The following CANX variants were observed in gnomAD, a reference collection of about 807,000 sequenced individuals.
CANX encodes the protein calnexin.
Under a neutral mutation model 75.7 loss-of-function variants are expected in CANX, and 14 were observed. The observed-to-expected ratio is 0.19, with a 90% CI of 0.12 to 0.29. CANX has a LOEUF of 0.29. CANX is among the 10% of genes least tolerant of loss of function. CANX has a pLI of 1.00. For synonymous variants in CANX, 227 were observed against 236.9 expected (o/e 0.96, Z 0.38); for missense variants, 567 against 713.2 (o/e 0.79, Z 2.34).
intron 1 of CANX, among the ~76,000 whole-genome samples, chr5:179,688,277 T>TC (rs1246226983): frequency 6.6e-6 from 1 of 151,254 alleles, no homozygotes; most frequent in African/African-American, 2.4e-5. Flanking sequence ...ATGGTCTTGA[T>TC]CTCTTGACCT....
At chr5:179,704,077 A>T (rs1299395566) in intron 1 of CANX, 1 of 152,088 alleles carries the variant, frequency 6.6e-6, no homozygotes, top group African/African-American at 2.4e-5. Flanking sequence ...GTACTTTCTC[A>T]AGCCCAAAAA....
chr5:179,719,593 C>G, intron 8 of CANX, 75 bp from the exon 9 acceptor site: 2 of 761,304 alleles, frequency 2.6e-6, no homozygotes, highest in Non-Finnish European at 4.4e-6. Context: ...TTTTAGAATA[C>G]TCTGTTCTGA....
chr5:179,697,444 C>T (rs947170665), upstream of CANX, among the ~76,000 whole-genome samples: 1 of 152,212 alleles, frequency 6.6e-6, no homozygotes, highest in Non-Finnish European at 1.5e-5. Flanking sequence ...CATAGTACCA[C>T]AGTCTTTTGG....
intron 1 of CANX, chr5:179,699,474 A>G (rs1193582971): frequency 1.3e-5 from 2 of 152,258 alleles, no homozygotes; most frequent in Non-Finnish European, 2.9e-5. Flanking sequence ...ATAGGGTGGA[A>G]TCGGGCCTAC....
intron 1 of CANX, among the ~76,000 whole-genome samples, chr5:179,703,379 G>T (rs1049034936): frequency 6.6e-6 from 1 of 151,874 alleles, no homozygotes; most frequent in Non-Finnish European, 1.5e-5. Context: ...CACCACACTC[G>T]GCTAATTTTT....
intron 7 of CANX, among the ~76,000 whole-genome samples, chr5:179,711,563 C>T (rs544199852): frequency 2.0e-5 from 3 of 152,024 alleles, no homozygotes; most frequent in South Asian, 2.1e-4. Flanking sequence ...CCGAGGTGGG[C>T]GGATCACCTG....
intron 10 of CANX, among the ~76,000 whole-genome samples, chr5:179,721,133 A>G (rs1197839679): frequency 2.0e-5 from 3 of 152,042 alleles, no homozygotes; most frequent in Admixed American, 6.6e-5. Context: ...GCTGGAGTGC[A>G]ATGGCTCAGT....
chr5:179,724,306 T>C (rs1778506098), intron 12 of CANX, among the ~76,000 whole-genome samples: 1 of 152,182 alleles, frequency 6.6e-6, no homozygotes, highest in South Asian at 2.1e-4. Context: ...TAAATGAGGA[T>C]TATGCTTCAT....
At chr5:179,686,354 T>TC (rs1031987773) in intron 1 of CANX, among the ~76,000 whole-genome samples, 11 of 152,062 alleles carry the variant, frequency 7.2e-5, no homozygotes, top group Admixed American at 3.3e-4. Context: ...TGCCTCGGCC[T>TC]CCCAAAGTGC....
At chr5:179,698,363 G>A (rs1374144926), upstream of CANX, 5 of 1,178,568 alleles carry the variant, frequency 4.2e-6, no homozygotes, top group Non-Finnish European at 3.2e-6. Context: ...GCAGGCTCCT[G>A]GGCCGAGCCA....
At chr5:179,698,439 C>T, upstream of CANX, 2 of 1,284,918 alleles carry the variant, frequency 1.6e-6, no homozygotes, top group Non-Finnish European at 2.0e-6. Flanking sequence ...TCCGGCCAGG[C>T]GCTCGCGCTG....
At chr5:179,680,246 C>T (rs1776027913) in intron 1 of CANX, among the ~76,000 whole-genome samples, 1 of 152,162 alleles carries the variant, frequency 6.6e-6, no homozygotes, top group African/African-American at 2.4e-5. Flanking sequence ...GAAGCTTAGA[C>T]TTCCTTTTGT....
At chr5:179,678,664 G>C (rs772438184) in exon 1 of CANX, 7 of 1,535,450 alleles carry the variant, frequency 4.6e-6, no homozygotes, top group Non-Finnish European at 6.1e-6. Context: ...TCCTCTGCCC[G>C]GCGCGCGCCG....
In CANX at chr5:179,728,681, C is replaced by T. The variant is rs1778822184; in HGVS notation, c.*37C>T. 1 of 1,488,550 alleles carries T rather than the reference C, an allele frequency of 6.7e-7. No individual in the cohort carries two copies. Among genetic ancestry groups the T allele is most frequent in the Non-Finnish European group, 9.4e-7 (1 of 1,066,438 alleles). 92.2% of individuals were successfully genotyped at this position (1,488,550 alleles called of 1,614,324 possible). ...GAGCTTGATCTGTGATTTCTTCTCC[C>T]TCCTCCCCTGCAAGAGTGGTCCTAG... is the stretch of plus-strand genomic sequence containing the variant. On this transcript the variant is annotated 3_prime_UTR_variant, in exon 15 of 15. Coordinates refer to ENST00000247461, the MANE Select transcript of CANX (RefSeq NM_001746.4).
At chr5:179,724,568 G>A (rs2113272509) in intron 12 of CANX, 89 bp from the exon 13 acceptor site, 2 of 1,084,540 alleles carry the variant, frequency 1.8e-6, no homozygotes, top group Middle Eastern at 2.2e-4. Context: ...TATACAGCCT[G>A]GAACAGAACT....
chr5:179,690,499 C>T (rs903679529), intron 1 of CANX, among the ~76,000 whole-genome samples: 3 of 149,554 alleles, frequency 2.0e-5, no homozygotes, highest in Non-Finnish European at 3.0e-5. Context: ...TCACTTGAAC[C>T]TGGGAGGCGG....
At chr5:179,694,058 C>A (rs569658959), upstream of CANX, 20 of 157,800 alleles carry the variant, frequency 1.3e-4, no homozygotes, top group African/African-American at 4.7e-4. Flanking sequence ...GCAGGAGAAG[C>A]GCTGGAACCC....
At position 179,724,798 on chromosome 5, in the gene CANX, C is replaced by T. The variant is rs759386286; in HGVS notation, c.1645+15C>T. ...AGAGAAACTTGGTAAGAAACAGAGT[C>T]CAGAAAATCTGCTTTAAGCCAAGAC... On this transcript the variant is annotated intron_variant, in intron 13 of 14. Coordinates refer to ENST00000247461, the MANE Select transcript of CANX (RefSeq NM_001746.4). 28 of 1,596,246 alleles carry T rather than the reference C, an allele frequency of 1.8e-5. No homozygotes were observed. In the South Asian group the frequency reaches 3.0e-4, roughly 17 times the overall value.
At chr5:179,715,791 TTG>T (rs770340670) in intron 7 of CANX, 2 of 373,680 alleles carry the variant, frequency 5.4e-6, no homozygotes, top group African/African-American at 2.1e-5. Context: ...AGCCCAATAA[TTG>T]TGTTAGTTTA....
Sources: allele counts gnomAD v4.1 joint callset (sites outside exome capture counted in the v4.1 genomes callset), GRCh38; gene constraint gnomAD v4.1.1; transcripts MANE v1.5; gene names NCBI Gene and HGNC (gene_info 2026-07-23, HGNC 2026-07-21).